Variants in OSBPL6 observed in about 807,000 individuals in gnomAD.
OSBPL6 encodes the protein oxysterol-binding protein-related protein 6.
Under a neutral mutation model 125.8 loss-of-function variants are expected in OSBPL6, and 49 were observed. The observed-to-expected ratio is 0.39, with a 90% CI of 0.31 to 0.49. OSBPL6 has a LOEUF of 0.49. Ranked by LOEUF, OSBPL6 falls within the 20% of genes least tolerant of loss-of-function variation. The pLI, the probability that OSBPL6 is intolerant of heterozygous loss-of-function variation, is 0.88. For missense variants in OSBPL6, 986 were observed against 1,135.4 expected (o/e 0.87, Z 1.89); for synonymous variants, 394 against 391.8 (o/e 1.01, Z -0.07).
In OSBPL6 at chr2:178,357,424, G is replaced by T. The variant is rs192270502; in HGVS notation, c.1154-4258G>T. On this transcript the variant is annotated intron_variant, in intron 12 of 24. Coordinates refer to ENST00000190611, the MANE Select transcript of OSBPL6 (RefSeq NM_032523.4). The stretch of plus-strand genomic sequence containing the variant: ...CAATCCCATCAAAAAGTGGGCAAAG[G>T]ATATGAACAGACACTTCTCAAAAGA... Among the ~76,000 whole-genome samples the T allele has an allele frequency of 3.0e-3, 462 of 152,258 alleles. 4 individuals carry two copies. The highest frequency in any genetic ancestry group is 0.011 in the African/African-American group (450 of 41,542).
chr2:178,284,388 A>G (rs1030359610), intron 1 of OSBPL6, among the ~76,000 whole-genome samples: 6 of 152,158 alleles, frequency 3.9e-5, no homozygotes, highest in African/African-American at 1.4e-4. Flanking sequence ...CTCCATCTCT[A>G]CTAAAAATAA....
At chr2:178,346,488 A>G (rs1449598652) in intron 11 of OSBPL6, among the ~76,000 whole-genome samples, 1 of 152,192 alleles carries the variant, frequency 6.6e-6, no homozygotes, top group Non-Finnish European at 1.5e-5. Context: ...GCATCTCCTA[A>G]TGTCCCCATT....
At chr2:178,348,286 T>C (rs182065540) in intron 11 of OSBPL6, among the ~76,000 whole-genome samples, 11 of 152,344 alleles carry the variant, frequency 7.2e-5, no homozygotes, top group Non-Finnish European at 1.2e-4. Flanking sequence ...TGGTGGAGTC[T>C]AAGAGTCTGG....
At chr2:178,233,627 G>A (rs2090928029) in intron 1 of OSBPL6, among the ~76,000 whole-genome samples, 1 of 152,118 alleles carries the variant, frequency 6.6e-6, no homozygotes, top group African/African-American at 2.4e-5. Context: ...CTCAGCCTCT[G>A]GAAATGTTAA....
intron 1 of OSBPL6, among the ~76,000 whole-genome samples, chr2:178,228,266 T>G (rs899187370): frequency 6.6e-6 from 1 of 152,226 alleles, no homozygotes; most frequent in Non-Finnish European, 1.5e-5. Context: ...CCGGGCGCGG[T>G]GGCTCATGCC....
At chr2:178,353,328 C>A (rs1691461362) in intron 12 of OSBPL6, among the ~76,000 whole-genome samples, 1 of 152,230 alleles carries the variant, frequency 6.6e-6, no homozygotes, top group South Asian at 2.1e-4. Context: ...TAACCCATCA[C>A]AAGGAAGCTA....
chr2:178,332,150 C>A (rs565323103), intron 6 of OSBPL6, among the ~76,000 whole-genome samples: 12 of 152,222 alleles, frequency 7.9e-5, no homozygotes, highest in African/African-American at 2.9e-4. Context: ...GTTTTGTCCC[C>A]ATCCCTGCCA....
intron 1 of OSBPL6, among the ~76,000 whole-genome samples, chr2:178,255,286 C>T (rs2091843348): frequency 6.6e-6 from 1 of 152,210 alleles, no homozygotes; most frequent in African/African-American, 2.4e-5. Flanking sequence ...CCTGGCCACG[C>T]AACAGGGCGA....
chr2:178,359,177 T>C lies in OSBPL6; in HGVS notation c.1154-2505T>C, dbSNP rs79588646. The stretch of plus-strand genomic sequence containing the variant: ...GACAACAGAGTGGGACCTTGTCTCA[T>C]AAAAAAATTAAATAAATAAAAATGT... On this transcript the variant is annotated intron_variant, in intron 12 of 24. Coordinates refer to ENST00000190611, the MANE Select transcript of OSBPL6 (RefSeq NM_032523.4). Among the ~76,000 whole-genome samples, 1,498 of 152,118 alleles carry C rather than the reference T, an allele frequency of 9.8e-3. 26 individuals are homozygous for C. Among genetic ancestry groups the C allele is most frequent in the African/African-American group, 0.034 (1,424 of 41,506 alleles).
At chr2:178,382,998 C>T in intron 16 of OSBPL6, 26 bp from the exon 17 acceptor site, 1 of 1,612,376 alleles carries the variant, frequency 6.2e-7, no homozygotes. Context: ...GCAAAGTGTC[C>T]TTCACTGTGA....
At chr2:178,223,315 G>T (rs1305235644) in intron 1 of OSBPL6, among the ~76,000 whole-genome samples, 1 of 151,966 alleles carries the variant, frequency 6.6e-6, no homozygotes, top group East Asian at 1.9e-4. Flanking sequence ...TCCCTCCTTT[G>T]TGTTTTTCCC....
intron 1 of OSBPL6, among the ~76,000 whole-genome samples, chr2:178,213,689 A>G (rs1342357516): frequency 6.6e-5 from 10 of 152,242 alleles, no homozygotes; most frequent in Non-Finnish European, 1.5e-4. Context: ...TTATTTGACA[A>G]ATTTGACCAA....
chr2:178,332,467 C>T (rs1208817229), intron 6 of OSBPL6, among the ~76,000 whole-genome samples, 174 bp from the exon 7 acceptor site: 2 of 152,246 alleles, frequency 1.3e-5, no homozygotes, highest in Non-Finnish European at 2.9e-5. Context: ...GCAACATCAA[C>T]TGTCCTAGAA....
intron 1 of OSBPL6, among the ~76,000 whole-genome samples, chr2:178,273,257 G>A (rs147459446): frequency 1.3e-5 from 2 of 152,214 alleles, no homozygotes; most frequent in Non-Finnish European, 2.9e-5. Context: ...AAGGAATTTC[G>A]GCTTTATTCT....
At chr2:178,341,160 C>T (rs1045093594) in intron 11 of OSBPL6, among the ~76,000 whole-genome samples, 2 of 152,042 alleles carry the variant, frequency 1.3e-5, no homozygotes, top group African/African-American at 4.8e-5. Flanking sequence ...CAAGAAAGAA[C>T]ACATACACTT....
intron 8 of OSBPL6, among the ~76,000 whole-genome samples, chr2:178,333,265 A>G (rs1158758216): frequency 6.6e-6 from 1 of 152,160 alleles, no homozygotes; most frequent in East Asian, 1.9e-4. Context: ...CATAGCTGTA[A>G]TCCCAGGTAC....
intron 1 of OSBPL6, among the ~76,000 whole-genome samples, chr2:178,262,387 A>G (rs758028353): frequency 6.6e-6 from 1 of 152,206 alleles, no homozygotes; most frequent in Non-Finnish European, 1.5e-5. Context: ...ATTGCAAAAG[A>G]AAATTGTTTT....
intron 1 of OSBPL6, among the ~76,000 whole-genome samples, chr2:178,217,141 C>T (rs945578144): frequency 2.6e-5 from 4 of 152,266 alleles, no homozygotes; most frequent in African/African-American, 9.6e-5. Flanking sequence ...AGTGAAGGGG[C>T]ATCATATCCA....
chr2:178,301,187 TGA>T (rs1490983126), intron 2 of OSBPL6, among the ~76,000 whole-genome samples: 13 of 151,478 alleles, frequency 8.6e-5, no homozygotes, highest in Admixed American at 8.6e-4. Flanking sequence ...AGGGAAGAGA[TGA>T]TATCAGATAA....
Sources: allele counts gnomAD v4.1 joint callset (sites outside exome capture counted in the v4.1 genomes callset), GRCh38; gene constraint gnomAD v4.1.1; transcripts MANE v1.5; gene names NCBI Gene and HGNC (gene_info 2026-07-23, HGNC 2026-07-21).